The following VPS13A variants were observed in gnomAD, a reference collection of about 807,000 sequenced individuals.
VPS13A encodes the protein vacuolar protein sorting 13 homolog A.
A neutral mutation model predicts 390.9 loss-of-function variants in VPS13A; 264 were observed. That is an observed-to-expected ratio of 0.68 (90% confidence interval 0.61 to 0.75). VPS13A has a LOEUF of 0.75. Among genes scored for constraint, VPS13A ranks in the 30% least tolerant of loss-of-function variants. The pLI is 0.00. For synonymous variants in VPS13A, 1,231 were observed against 1,227.1 expected (o/e 1.00, Z -0.07); for missense variants, 3,409 against 3,733.9 (o/e 0.91, Z 2.27).
rs1206314072 is a variant in VPS13A, at chr9:77,418,797, G to A, written c.*2791G>A. On this transcript the variant is annotated 3_prime_UTR_variant, in exon 72 of 72. Transcript: ENST00000360280. ...TCTCATTTCTTCCAATAGTAATAGC[G>A]GTAATATTGTTCCATTGAATATCTA... 7.9e-5 allele frequency: 12 copies of A among 152,120 alleles called. No homozygotes were observed. The East Asian group carries it at 1.2e-3, about 15-fold the overall frequency. 9.4% of individuals were successfully genotyped at this position (152,120 alleles called of 1,614,324 possible).
intron 40 of VPS13A, among the ~76,000 whole-genome samples, 157 bp from the exon 41 acceptor site, chr9:77,318,078 G>A (rs893779204): frequency 6.6e-6 from 1 of 151,772 alleles, no homozygotes; most frequent in Non-Finnish European, 1.5e-5. Context: ...AAGAATTATG[G>A]TAATTTAAAA....
intron 71 of VPS13A, among the ~76,000 whole-genome samples, chr9:77,415,629 G>A (rs1437188705): frequency 1.3e-5 from 2 of 152,142 alleles, no homozygotes; most frequent in East Asian, 3.9e-4. Flanking sequence ...CCTGTATCTG[G>A]ATTTATGGAA....
chr9:77,377,373 C>T (rs1587690047), intron 67 of VPS13A, among the ~76,000 whole-genome samples: 1 of 151,696 alleles, frequency 6.6e-6, no homozygotes, highest in Non-Finnish European at 1.5e-5. Flanking sequence ...GCGCCCGCCA[C>T]CGCGCCCGGC....
intron 71 of VPS13A, among the ~76,000 whole-genome samples, chr9:77,413,274 C>T (rs1251784232): frequency 2.6e-5 from 4 of 152,174 alleles, no homozygotes; most frequent in Admixed American, 2.6e-4. Flanking sequence ...AAAGAGCCCA[C>T]ATCGCCAAGT....
intron 68 of VPS13A, among the ~76,000 whole-genome samples, chr9:77,393,620 A>G (rs1833990619): frequency 6.6e-6 from 1 of 152,236 alleles, no homozygotes; most frequent in Non-Finnish European, 1.5e-5. Flanking sequence ...TGAAAATGAC[A>G]TTAATCTCGT....
At chr9:77,317,772 C>T (rs1336941111) in intron 40 of VPS13A, 74 bp downstream of exon 40, 4 of 1,156,398 alleles carry the variant, frequency 3.5e-6, no homozygotes, top group Non-Finnish European at 4.9e-6. Context: ...GTTATTATAG[C>T]AAGTCTTTTA....
chr9:77,373,449 C>G (rs1445767044), intron 67 of VPS13A, among the ~76,000 whole-genome samples: 1 of 125,390 alleles, frequency 8.0e-6, no homozygotes, highest in Non-Finnish European at 1.8e-5. Flanking sequence ...AAAGCTGAAA[C>G]TGGATCCCTT....
chr9:77,247,186 A>T (rs1356550873), intron 19 of VPS13A, 73 bp from the exon 20 acceptor site: 1 of 1,266,320 alleles, frequency 7.9e-7, no homozygotes, highest in African/African-American at 1.5e-5. Context: ...TTATCAGTTC[A>T]TATATTTAGT....
At chr9:77,368,771 C>T (rs73654024) in intron 62 of VPS13A, among the ~76,000 whole-genome samples, 1,963 of 152,250 alleles carry the variant, frequency 0.013, 40 homozygotes, top group African/African-American at 0.045. Context: ...TATTCTAGAG[C>T]TTTACATGAA....
chr9:77,227,493 G>C lies in VPS13A; in HGVS notation c.1452+8G>C, dbSNP rs774700890. 1.3e-6 allele frequency: 2 copies of C among 1,587,020 alleles called. No homozygotes were observed. Among genetic ancestry groups the C allele is most frequent in the South Asian group, 2.2e-5 (2 of 90,420 alleles). ...CCAACTTTACTAAAAACAGTAAGAT[G>C]TTTTCTTGCCTTATACCTTAGAATA... On this transcript the variant is annotated splice_region_variant and intron_variant, in intron 16 of 71. Coordinates refer to ENST00000360280, the MANE Select transcript of VPS13A (RefSeq NM_033305.3).
rs1311368421 is a variant in VPS13A, at chr9:77,323,128, C to T, written c.5892C>T (p.Tyr1964=). ...TAACAAAAGTGGGACGACGTCTGTACACTGTAAGACACAGAGAGTCTGGCG... is the reference window on the plus strand; with the variant it reads ...TAACAAAAGTGGGACGACGTCTGTATACTGTAAGACACAGAGAGTCTGGCG... ...IPLTKVGRRL[Y]TVRHRESGVE... Residue 1964 remains tyrosine (Y), a synonymous_variant, in exon 45 of 72, where the codon TAC becomes TAT. Coordinates refer to ENST00000360280, the MANE Select transcript of VPS13A (RefSeq NM_033305.3). 1.2e-6 allele frequency: 2 copies of T among 1,613,276 alleles called. No individual in the cohort carries two copies. Among genetic ancestry groups the T allele is most frequent in the African/African-American group, 2.7e-5 (2 of 74,870 alleles).
intron 23 of VPS13A, among the ~76,000 whole-genome samples, chr9:77,261,361 A>G (rs954841878): frequency 1.3e-5 from 2 of 152,048 alleles, no homozygotes; most frequent in Non-Finnish European, 2.9e-5. Flanking sequence ...CATTTTCTGC[A>G]TATACCATCT....
chr9:77,415,952 G>T lies in VPS13A; in HGVS notation c.9475-4G>T, dbSNP rs76198745. 1 of 1,612,880 alleles carries T rather than the reference G, an allele frequency of 6.2e-7. No homozygotes were observed. Among genetic ancestry groups the T allele is most frequent in the Middle Eastern group, 1.7e-4 (1 of 6,052 alleles). Reference sequence around the variant, plus strand: ...GCAAATGTTCATTTATTTTCCCACCGCAGTGGATCCTCACAAAGCTACAAG... The same window carrying T: ...GCAAATGTTCATTTATTTTCCCACCTCAGTGGATCCTCACAAAGCTACAAG... On this transcript the variant is annotated splice_polypyrimidine_tract_variant and splice_region_variant and intron_variant, in intron 71 of 71. Transcript: ENST00000360280.
chr9:77,377,546 G>T lies in VPS13A; in HGVS notation c.9078-4430G>T, dbSNP rs553918106. On this transcript the variant is annotated intron_variant, in intron 67 of 71. Coordinates refer to ENST00000360280, the MANE Select transcript of VPS13A (RefSeq NM_033305.3). Reference sequence around the variant, plus strand: ...TTTATTGTTGGATTGTTTATTGCTGGTGTGTTGAATACAACTGTTTTTCTT... The same window carrying T: ...TTTATTGTTGGATTGTTTATTGCTGTTGTGTTGAATACAACTGTTTTTCTT... Among the ~76,000 whole-genome samples, 180 of 152,192 alleles carry T rather than the reference G, an allele frequency of 1.2e-3. 3 individuals carry two copies. The highest frequency in any genetic ancestry group is 0.011 in the Admixed American group (172 of 15,290).
chr9:77,341,251 C>T (rs79399295), intron 50 of VPS13A, among the ~76,000 whole-genome samples: 2,418 of 152,026 alleles, frequency 0.016, 63 homozygotes, highest in African/African-American at 0.054. Flanking sequence ...TAAACCCAGG[C>T]GTTCCAGGGG....
At position 77,237,000 on chromosome 9, in the gene VPS13A, C is replaced by T. The variant is rs541536280; in HGVS notation, c.1596-1002C>T. Reference sequence around the variant, plus strand: ...CACCTCCTGAGTTCCAGAGATTCTCCTGCCTCAGGCTCCCGAGTAGCTGGG... The same window carrying T: ...CACCTCCTGAGTTCCAGAGATTCTCTTGCCTCAGGCTCCCGAGTAGCTGGG... On this transcript the variant is annotated intron_variant, in intron 17 of 71. Coordinates refer to ENST00000360280, the MANE Select transcript of VPS13A (RefSeq NM_033305.3). Among the ~76,000 whole-genome samples, 6 of 152,226 alleles carry T rather than the reference C, an allele frequency of 3.9e-5. No individual in the cohort carries two copies. In the South Asian group the frequency reaches 1.2e-3, roughly 32 times the overall value.
Position 77,339,536 on chromosome 9 carries a change from T to C in VPS13A, c.6399T>C (p.Phe2133=), listed in dbSNP as rs2131504879. 6.4e-7 allele frequency: 1 copy of C among 1,554,800 alleles called. No individual in the cohort carries two copies. Among genetic ancestry groups the C allele is most frequent in the Non-Finnish European group, 8.7e-7 (1 of 1,149,518 alleles). Residue 2133 remains phenylalanine, a synonymous_variant, in exon 48 of 72, where the codon TTT becomes TTC. Coordinates refer to ENST00000360280, the MANE Select transcript of VPS13A (RefSeq NM_033305.3). ...YYIEGIENSV[F]TLSEGHSAQI... is the part of the protein sequence containing the mutation. ...TACAGGGAATTGAAAATTCGGTTTTTACTCTAAGTGAAGGACATTCAGCCC... is the reference window on the plus strand; with the variant it reads ...TACAGGGAATTGAAAATTCGGTTTTCACTCTAAGTGAAGGACATTCAGCCC...
chr9:77,248,629 A>G (rs1182003688), intron 20 of VPS13A, among the ~76,000 whole-genome samples: 1 of 152,088 alleles, frequency 6.6e-6, no homozygotes, highest in Admixed American at 6.6e-5. Context: ...TCCCAGCCAC[A>G]TGGGGTTATT....
chr9:77,247,212 G>A (rs758252662), intron 19 of VPS13A, 47 bp from the exon 20 acceptor site: 13 of 1,438,082 alleles, frequency 9.0e-6, no homozygotes, highest in South Asian at 2.7e-5. Flanking sequence ...TGTATTTCTC[G>A]AGTAATTTGT....
Sources: gnomAD v4.1 joint callset for allele counts (sites outside exome capture counted in the v4.1 genomes callset) on GRCh38, gnomAD v4.1.1 for gene constraint, MANE v1.5 for transcripts, NCBI Gene and HGNC (gene_info 2026-07-23, HGNC 2026-07-21) for gene names.